Variants in NEK10 observed in about 807,000 individuals in gnomAD.
NEK10 encodes the protein NIMA related kinase 10.
A neutral mutation model predicts 159.8 loss-of-function variants in NEK10; 122 were observed. The ratio of observed to expected loss-of-function variants is 0.76; its 90% CI spans 0.66 to 0.89. The LOEUF (loss-of-function observed/expected upper bound fraction) is 0.89, where lower values mean the gene tolerates loss of function less well. Among genes scored for constraint, NEK10 ranks in the 40% least tolerant of loss-of-function variants. The pLI is 0.00. For synonymous variants in NEK10, 466 were observed against 457.1 expected (o/e 1.02, Z -0.25); for missense variants, 1,342 against 1,323.1 (o/e 1.01, Z -0.22).
intron 29 of NEK10, among the ~76,000 whole-genome samples, chr3:27,165,721 G>A (rs914342185): frequency 1.3e-5 from 2 of 152,180 alleles, no homozygotes; most frequent in Non-Finnish European, 2.9e-5. Flanking sequence ...CTGAAGTGCT[G>A]AAAATGAGTG....
chr3:27,363,054 C>A (rs760106781), intron 1 of NEK10, among the ~76,000 whole-genome samples: 1 of 152,160 alleles, frequency 6.6e-6, no homozygotes, highest in Non-Finnish European at 1.5e-5. Context: ...GTGCAATTGG[C>A]GCTCCTGGCC....
intron 25 of NEK10, among the ~76,000 whole-genome samples, chr3:27,196,244 C>T (rs1035595500): frequency 6.6e-6 from 1 of 152,180 alleles, no homozygotes; most frequent in African/African-American, 2.4e-5. Context: ...GTCAAGTACC[C>T]CCTGCCTGCT....
intron 1 of NEK10, among the ~76,000 whole-genome samples, chr3:27,355,175 CTT>C (rs1423132177): frequency 6.6e-6 from 1 of 152,138 alleles, no homozygotes; most frequent in South Asian, 2.1e-4. Context: ...GAATTTCCCT[CTT>C]TCTTTGCTTG....
Position 27,124,339 on chromosome 3 carries a change from C to T in NEK10, c.3082-4471G>A, listed in dbSNP as rs150147947. ...AAGAGAGAAGGGCCCAGAGCTTAGACTAGATGGCAACCAAAGGAAGGAATG... is the reference window on the plus strand; with the variant it reads ...AAGAGAGAAGGGCCCAGAGCTTAGATTAGATGGCAACCAAAGGAAGGAATG... On this transcript the variant is annotated intron_variant, in intron 32 of 35. Coordinates refer to ENST00000691995, the MANE Select transcript of NEK10 (RefSeq NM_001394966.1). Among the ~76,000 whole-genome samples the T allele has an allele frequency of 1.4e-3, 219 of 152,278 alleles. 1 individual carries two copies. Among genetic ancestry groups the T allele is most frequent in the African/African-American group, 5.0e-3 (206 of 41,554 alleles).
chr3:27,261,401 C>T (rs1331670373), intron 22 of NEK10, among the ~76,000 whole-genome samples: 2 of 152,062 alleles, frequency 1.3e-5, no homozygotes, highest in African/African-American at 4.8e-5. Context: ...TGAATGTGTC[C>T]CAGAGATTCT....
chr3:27,188,263 T>G (rs1459666652), intron 26 of NEK10, among the ~76,000 whole-genome samples: 2 of 152,196 alleles, frequency 1.3e-5, no homozygotes, highest in African/African-American at 4.8e-5. Flanking sequence ...TTACCCAAAA[T>G]GTTCGGAATC....
chr3:27,203,901 C>T lies in NEK10; in HGVS notation c.2091-1344G>A, dbSNP rs193297786. On this transcript the variant is annotated intron_variant, in intron 23 of 35. Coordinates refer to ENST00000691995, the MANE Select transcript of NEK10 (RefSeq NM_001394966.1). ...TTTAGTGTTTTTCAGTTCAATAATACGGAAATGGGGGAATTGGGGCTGAGA... is the reference window on the plus strand; with the variant it reads ...TTTAGTGTTTTTCAGTTCAATAATATGGAAATGGGGGAATTGGGGCTGAGA... 4.6e-5 allele frequency among the ~76,000 whole-genome samples: 7 copies of T among 152,230 alleles called. No homozygotes were observed. In the East Asian group the frequency reaches 7.7e-4, roughly 17 times the overall value.
At chr3:27,298,682 T>G (rs1254271555) in intron 13 of NEK10, among the ~76,000 whole-genome samples, 1 of 152,200 alleles carries the variant, frequency 6.6e-6, no homozygotes, top group Non-Finnish European at 1.5e-5. Flanking sequence ...TTGAATGGCT[T>G]TGACCAAATG....
chr3:27,200,125 C>A lies in NEK10; in HGVS notation c.2291+1385G>T, dbSNP rs184808474. Among the ~76,000 whole-genome samples, 5 of 151,830 alleles carry A rather than the reference C, an allele frequency of 3.3e-5. No homozygotes were observed. The East Asian group carries it at 7.7e-4, about 23-fold the overall frequency. ...CTGAACTTAAAAATTTTAAAAAAAT[C>A]AATTAAAAAAATAAGACTGTAGATT... is the stretch of plus-strand genomic sequence containing the variant. On this transcript the variant is annotated intron_variant, in intron 25 of 35. Coordinates refer to ENST00000691995, the MANE Select transcript of NEK10 (RefSeq NM_001394966.1).
At chr3:27,159,862 C>T (rs573350145) in intron 30 of NEK10, among the ~76,000 whole-genome samples, 10 of 151,394 alleles carry the variant, frequency 6.6e-5, no homozygotes, top group African/African-American at 2.4e-4. Flanking sequence ...AGGCACTTGG[C>T]ACTCTAAAAT....
At position 27,301,809 on chromosome 3, in the gene NEK10, G is replaced by A; in HGVS notation, c.1055C>T (p.Ser352Phe). 6.4e-7 allele frequency: 1 copy of A among 1,552,990 alleles called. No individual in the cohort carries two copies. Among genetic ancestry groups the A allele is most frequent in the Admixed American group, 2.0e-5 (1 of 51,204 alleles). The change falls in exon 13 of 36, where the codon TCC becomes TTC. Residue 352 changes from serine to phenylalanine, a missense_variant. Coordinates refer to ENST00000691995, the MANE Select transcript of NEK10 (RefSeq NM_001394966.1). ...QGDRNFVSDHSSIGSLSSANA... is the reference protein window; with the variant it reads ...QGDRNFVSDHFSIGSLSSANA... Reference sequence around the variant, plus strand: ...TGCACTGGACAGGCTTCCAATGGAGGAGTGATCAGAAACAAAATTTCTGTC... The same window carrying A: ...TGCACTGGACAGGCTTCCAATGGAGAAGTGATCAGAAACAAAATTTCTGTC...
intron 23 of NEK10, among the ~76,000 whole-genome samples, chr3:27,235,804 A>T (rs1229198457): frequency 6.6e-6 from 1 of 152,164 alleles, no homozygotes; most frequent in Admixed American, 6.6e-5. Context: ...ATAAAGAAAC[A>T]TGCATGCACT....
At chr3:27,159,987 C>T (rs567548174) in intron 30 of NEK10, among the ~76,000 whole-genome samples, 6 of 150,980 alleles carry the variant, frequency 4.0e-5, no homozygotes, top group South Asian at 4.2e-4. Context: ...CTGCTTTTTC[C>T]GGAACATTTA....
intron 23 of NEK10, among the ~76,000 whole-genome samples, chr3:27,224,105 CAGACACACAGGCAT>C (rs1261253675): frequency 3.2e-4 from 49 of 152,328 alleles, no homozygotes; most frequent in African/African-American, 1.2e-3. Flanking sequence ...ACTGAGAAAA[CAGACACACAGGCAT>C]AGACACACAG....
intron 26 of NEK10, among the ~76,000 whole-genome samples, chr3:27,188,935 C>G (rs1439794976): frequency 6.6e-6 from 1 of 152,136 alleles, no homozygotes; most frequent in Non-Finnish European, 1.5e-5. Flanking sequence ...TAATGATTCT[C>G]TGTGTTCACT....
intron 26 of NEK10, among the ~76,000 whole-genome samples, chr3:27,182,679 G>C (rs1329877225): frequency 6.6e-6 from 1 of 152,086 alleles, no homozygotes; most frequent in Non-Finnish European, 1.5e-5. Context: ...CAATGGCCAA[G>C]ATTTGGAATC....
At chr3:27,245,767 A>G (rs1047952763) in intron 23 of NEK10, among the ~76,000 whole-genome samples, 17 of 152,242 alleles carry the variant, frequency 1.1e-4, no homozygotes, top group Non-Finnish European at 2.4e-4. Flanking sequence ...TAATTATTCA[A>G]TAAATTAATT....
Position 27,257,699 on chromosome 3 carries a change from G to A in NEK10, c.2015-1328C>T, listed in dbSNP as rs370071134. ...AAAGACAGGACTCAGGAACTGGACA[G>A]CCTCAATCTGAATACTGACTCTATT... On this transcript the variant is annotated intron_variant, in intron 22 of 35. Transcript: ENST00000691995. 7.9e-5 allele frequency among the ~76,000 whole-genome samples: 12 copies of A among 152,108 alleles called. No individual in the cohort carries two copies. The East Asian group carries it at 1.2e-3, about 15-fold the overall frequency.
At chr3:27,210,696 T>C (rs1024560012) in intron 23 of NEK10, among the ~76,000 whole-genome samples, 1 of 152,230 alleles carries the variant, frequency 6.6e-6, no homozygotes, top group African/African-American at 2.4e-5. Flanking sequence ...CATGTGCAAG[T>C]AATAATTTCT....
Sources: gnomAD v4.1 joint callset for allele counts (sites outside exome capture counted in the v4.1 genomes callset) on GRCh38, gnomAD v4.1.1 for gene constraint, MANE v1.5 for transcripts, NCBI Gene and HGNC (gene_info 2026-07-23, HGNC 2026-07-21) for gene names.